Variants in IFFO2 observed in about 807,000 individuals in gnomAD.
IFFO2 encodes intermediate filament family orphan 2.
A neutral mutation model predicts 53.5 loss-of-function variants in IFFO2; 19 were observed. The ratio of observed to expected loss-of-function variants is 0.36; its 90% CI spans 0.25 to 0.52. The LOEUF (loss-of-function observed/expected upper bound fraction) is 0.52. IFFO2 is among the 20% of genes least tolerant of loss of function. IFFO2 has a pLI of 0.94. For missense variants in IFFO2, 570 were observed against 727.4 expected (o/e 0.78, Z 2.49); for synonymous variants, 303 against 313.6 (o/e 0.97, Z 0.36).
At chr1:18,922,883 G>A (rs757052410) in intron 1 of IFFO2, among the ~76,000 whole-genome samples, 1 of 152,054 alleles carries the variant, frequency 6.6e-6, no homozygotes, top group Admixed American at 6.5e-5. Context: ...ACCTCTCACC[G>A]AGAAGAGCAG....
At chr1:18,933,365 A>T (rs1936404348) in intron 1 of IFFO2, among the ~76,000 whole-genome samples, 1 of 152,250 alleles carries the variant, frequency 6.6e-6, no homozygotes, top group Non-Finnish European at 1.5e-5. Flanking sequence ...GGGCACGAGA[A>T]AGGAAACCAA....
At chr1:18,949,330 G>A (rs559115621) in intron 1 of IFFO2, among the ~76,000 whole-genome samples, 8 of 152,366 alleles carry the variant, frequency 5.3e-5, no homozygotes, top group Non-Finnish European at 1.0e-4. Context: ...TCGATGCAGG[G>A]GCAGACACAT....
Position 18,908,407 on chromosome 1 carries a change from A to G in IFFO2, c.*154T>C. ...GTTGGTGGTGTGGAAGGAAGGAAGGAAGCAGCAGTCCCTCAGGGCCTCCAG... is the reference window on the plus strand; with the variant it reads ...GTTGGTGGTGTGGAAGGAAGGAAGGGAGCAGCAGTCCCTCAGGGCCTCCAG... On this transcript the variant is annotated 3_prime_UTR_variant, in exon 9 of 9. Coordinates refer to ENST00000455833, the MANE Select transcript of IFFO2 (RefSeq NM_001136265.2). The G allele has an allele frequency of 1.6e-6, 1 of 609,942 alleles. No homozygotes were observed. The highest frequency in any genetic ancestry group is 2.9e-6 in the Non-Finnish European group (1 of 339,262). The allele number at this position is 609,942 out of a possible 1,614,324, so 37.8% of individuals were successfully genotyped here.
intron 1 of IFFO2, among the ~76,000 whole-genome samples, chr1:18,945,794 A>T (rs954289744): frequency 6.6e-6 from 1 of 152,130 alleles, no homozygotes; most frequent in African/African-American, 2.4e-5. Context: ...TTATTTAGTG[A>T]TTTTTGCCAC....
At chr1:18,913,186 T>A (rs1425677734) in intron 5 of IFFO2, among the ~76,000 whole-genome samples, 1 of 152,170 alleles carries the variant, frequency 6.6e-6, no homozygotes, top group Middle Eastern at 3.2e-3. Flanking sequence ...AAGAAGGCCG[T>A]CTGGTAAAAA....
Position 18,928,144 on chromosome 1 carries a change from T to A in IFFO2, c.666-7023A>T, listed in dbSNP as rs1034430091. ...TTCTCCCCCGAAAATGGACAGCCAA[T>A]AAGCTCTAGCCCCTGCGCATGAAAG... On this transcript the variant is annotated intron_variant, in intron 1 of 8. Transcript: ENST00000455833. The surrounding 1 kb of genome is among the most constrained non-coding windows in gnomAD (Gnocchi z 4.9). 1.3e-5 allele frequency among the ~76,000 whole-genome samples: 2 copies of A among 151,994 alleles called. No individual in the cohort carries two copies. The highest frequency in any genetic ancestry group is 2.4e-5 in the African/African-American group (1 of 41,378).
At chr1:18,929,178 C>G (rs1936340745) in intron 1 of IFFO2, among the ~76,000 whole-genome samples, 1 of 152,214 alleles carries the variant, frequency 6.6e-6, no homozygotes, top group African/African-American at 2.4e-5. Flanking sequence ...GAGGGCCTGC[C>G]TACCTCAAGC....
chr1:18,955,694 C>T lies in IFFO2; in HGVS notation c.639G>A (p.Lys213=). Residue 213 remains lysine, a synonymous_variant, in exon 1 of 9, where the codon AAG becomes AAA. Coordinates refer to ENST00000455833, the MANE Select transcript of IFFO2 (RefSeq NM_001136265.2). The part of the protein sequence containing the change: ...RALYNVLAKV[K]RERDEYKRRW... ...TCCGCTTATACTCGTCGCGCTCGCG[C>T]TTCACCTTGGCCAGCACGTTGTAGA... 6.3e-7 allele frequency: 1 copy of T among 1,593,526 alleles called. No homozygotes were observed. The highest frequency in any genetic ancestry group is 1.1e-5 in the South Asian group (1 of 88,994).
At chr1:18,913,571 T>TG (rs1363067471) in intron 5 of IFFO2, among the ~76,000 whole-genome samples, 6 of 152,232 alleles carry the variant, frequency 3.9e-5, no homozygotes, top group Admixed American at 1.3e-4. Flanking sequence ...CTCTTCTCCT[T>TG]GGTCTGAAGC....
At chr1:18,910,727 T>G (rs567789221) in intron 7 of IFFO2, among the ~76,000 whole-genome samples, 60 of 152,358 alleles carry the variant, frequency 3.9e-4, no homozygotes, top group Middle Eastern at 3.4e-3. Context: ...CTGGCTCTGA[T>G]GCACCCCACC....
Position 18,919,873 on chromosome 1 carries a change from C to T in IFFO2, c.727-100G>A, listed in dbSNP as rs1296074658. The T allele has an allele frequency of 2.6e-6, 2 of 774,002 alleles. No homozygotes were observed. The highest frequency in any genetic ancestry group is 4.2e-6 in the Non-Finnish European group (2 of 474,116). The allele number at this position is 774,002 out of a possible 1,614,324, so 47.9% of individuals were successfully genotyped here. A position where few individuals can be genotyped will look rare whatever the true frequency, so the allele number is the denominator to read the frequency against. On this transcript the variant is annotated intron_variant, in intron 2 of 8. Coordinates refer to ENST00000455833, the MANE Select transcript of IFFO2 (RefSeq NM_001136265.2). The surrounding 1 kb of genome is among the most constrained non-coding windows in gnomAD (Gnocchi z 4.9). Reference sequence around the variant, plus strand: ...CAGAGCCCTAGGCACCCGATGTCCACCCCAGCTGGGCACCTGCAGCCAGGG... The same window carrying T: ...CAGAGCCCTAGGCACCCGATGTCCATCCCAGCTGGGCACCTGCAGCCAGGG...
chr1:18,911,942 G>T (rs1936046405), intron 6 of IFFO2, 21 bp downstream of exon 6: 1 of 1,551,328 alleles, frequency 6.4e-7, no homozygotes, highest in Non-Finnish European at 8.7e-7. Context: ...TGGCCTTTGG[G>T]AAGCCAGGCG....
chr1:18,910,117 C>T (rs985138182), intron 8 of IFFO2, among the ~76,000 whole-genome samples: 1 of 152,102 alleles, frequency 6.6e-6, no homozygotes, highest in African/African-American at 2.4e-5. Context: ...CAACAAAGGG[C>T]AGGGTGGTGG....
In IFFO2 at chr1:18,909,207, C is replaced by T. The variant is rs928039722; in HGVS notation, c.1449-541G>A. On this transcript the variant is annotated intron_variant, in intron 8 of 8. Transcript: ENST00000455833. ...AAAGGCAAGGCTACGGCCCTGCACA[C>T]AGATCTGGCCCCCACAGAGCTGTCC... Among the ~76,000 whole-genome samples, 9 of 152,252 alleles carry T rather than the reference C, an allele frequency of 5.9e-5. No individual in the cohort carries two copies. In the South Asian group the frequency reaches 1.7e-3, roughly 28 times the overall value.
chr1:18,908,731 T>G (rs1935989023), intron 8 of IFFO2, 65 bp from the exon 9 acceptor site: 1 of 1,208,346 alleles, frequency 8.3e-7, no homozygotes, highest in African/African-American at 1.5e-5. Flanking sequence ...GGTCAAGGAG[T>G]GGGAAGGCTG....
chr1:18,914,121 G>A (rs560241386), intron 5 of IFFO2, among the ~76,000 whole-genome samples: 9 of 152,296 alleles, frequency 5.9e-5, no homozygotes, highest in Admixed American at 1.3e-4. Context: ...GTGAGCCACC[G>A]CGCCCGGCCT....
chr1:18,919,717 G>C lies in IFFO2; in HGVS notation c.783C>G (p.Leu261=). 3 of 1,551,670 alleles carry C rather than the reference G, an allele frequency of 1.9e-6. No individual in the cohort carries two copies. The highest frequency in any genetic ancestry group is 2.6e-6 in the Non-Finnish European group (3 of 1,146,976). ...QEEMNEKIER[L]KAELVVFKGL... The stretch of plus-strand genomic sequence containing the variant: ...CCTTAAACACCACCAGCTCGGCCTT[G>C]AGCCGCTCGATCTTCTCATTCATCT... The change falls in exon 3 of 9, where the codon CTC becomes CTG. Residue 261 remains leucine, a synonymous_variant. Transcript: ENST00000455833. This position sits in a 1 kb window ranked among gnomAD's most constrained non-coding sequence, Gnocchi z 4.9.
rs1035738849 is a variant in IFFO2 at position 18,923,819 on chromosome 1, G to A, written c.666-2698C>T. On this transcript the variant is annotated intron_variant, in intron 1 of 8. Transcript: ENST00000455833. The stretch of plus-strand genomic sequence containing the variant: ...GGGCAGACAGCTCCCCAGTGATGCT[G>A]GGCTACAGATGGCACTGAGTGGCCA... 2.6e-5 allele frequency among the ~76,000 whole-genome samples: 4 copies of A among 152,272 alleles called. 1 individual carries two copies. Among genetic ancestry groups the A allele is most frequent in the Non-Finnish European group, 1.5e-5 (1 of 68,020 alleles).
chr1:18,940,890 C>T (rs989856257), intron 1 of IFFO2, among the ~76,000 whole-genome samples: 5 of 152,176 alleles, frequency 3.3e-5, no homozygotes, highest in African/African-American at 1.2e-4. Flanking sequence ...CTCCAAGTCC[C>T]CCCCAAAAGC....
Sources: gnomAD v4.1 joint callset for allele counts (sites outside exome capture counted in the v4.1 genomes callset) on GRCh38, gnomAD v4.1.1 for gene constraint, Gnocchi (gnomAD v3.1) non-coding constraint, MANE v1.5 for transcripts, NCBI Gene and HGNC (gene_info 2026-07-23, HGNC 2026-07-21) for gene names.